Variants in CSMD1 observed in about 807,000 individuals in gnomAD.
CSMD1 encodes CUB and Sushi multiple domains 1.
CSMD1 carries 213 observed loss-of-function variants against 417.5 expected under a neutral mutation model. The ratio of observed to expected loss-of-function variants is 0.51; its 90% CI spans 0.46 to 0.57. The LOEUF (loss-of-function observed/expected upper bound fraction) is 0.57. CSMD1 is among the 20% of genes least tolerant of loss of function. The probability of loss-of-function intolerance (pLI) is 0.00; values close to 1 mark genes in which losing one functional copy is unlikely to be tolerated. For missense variants in CSMD1, 6,923 were observed against 4,529.7 expected (o/e 1.53, Z -15.17); for synonymous variants, 2,862 against 1,736.8 (o/e 1.65, Z -16.11).
At chr8:4,344,903 C>G (rs1007937283) in intron 3 of CSMD1, among the ~76,000 whole-genome samples, 1 of 152,062 alleles carries the variant, frequency 6.6e-6, no homozygotes, top group African/African-American at 2.4e-5. Flanking sequence ...TGGACAAGAA[C>G]AGGCACTATG....
chr8:4,815,995 G>C (rs939941938), intron 1 of CSMD1, among the ~76,000 whole-genome samples: 17 of 152,076 alleles, frequency 1.1e-4, no homozygotes, highest in Non-Finnish European at 1.6e-4. Flanking sequence ...GAAATGAAAA[G>C]TACAAAAATG....
intron 56 of CSMD1, 96 bp from the exon 57 acceptor site, chr8:2,973,395 T>C: frequency 7.8e-7 from 1 of 1,285,412 alleles, no homozygotes; most frequent in Non-Finnish European, 1.1e-6. Context: ...TTGTTGAAAT[T>C]TGTGTTTCAC....
At chr8:3,525,568 G>A (rs999674678) in intron 10 of CSMD1, among the ~76,000 whole-genome samples, 9 of 152,134 alleles carry the variant, frequency 5.9e-5, no homozygotes, top group African/African-American at 2.2e-4. Flanking sequence ...TGACAGTTCA[G>A]GGAACAAGCA....
rs753890690 is a variant in CSMD1, at chr8:3,991,206, G to C, written c.818+6697C>G. 2.7e-4 allele frequency among the ~76,000 whole-genome samples: 41 copies of C among 152,304 alleles called. No individual in the cohort carries two copies. The South Asian group carries it at 5.4e-3, about 20-fold the overall frequency. On this transcript the variant is annotated intron_variant, in intron 5 of 69. Coordinates refer to ENST00000635120, the MANE Select transcript of CSMD1 (RefSeq NM_033225.6). ...GTGAAAACAAAAATATCCAGGATAA[G>C]GCATGTGAAAGAAAGCCACCAATCA...
At chr8:4,850,643 T>A (rs1312879996) in intron 1 of CSMD1, among the ~76,000 whole-genome samples, 2 of 152,110 alleles carry the variant, frequency 1.3e-5, no homozygotes, top group African/African-American at 4.8e-5. Context: ...GACTCTTCCA[T>A]CAGAACAAAG....
At chr8:4,523,035 G>T (rs1803557764) in intron 2 of CSMD1, among the ~76,000 whole-genome samples, 1 of 152,118 alleles carries the variant, frequency 6.6e-6, no homozygotes, top group Non-Finnish European at 1.5e-5. Flanking sequence ...AAATGAGCAG[G>T]TTTTCATAAG....
chr8:4,486,764 A>T (rs752456576), intron 2 of CSMD1, among the ~76,000 whole-genome samples: 3 of 152,194 alleles, frequency 2.0e-5, no homozygotes, highest in Non-Finnish European at 2.9e-5. Flanking sequence ...TGATACGAAG[A>T]ACCTGAGTGA....
chr8:4,444,869 C>A (rs1798690144), intron 2 of CSMD1, among the ~76,000 whole-genome samples: 1 of 152,178 alleles, frequency 6.6e-6, no homozygotes, highest in Non-Finnish European at 1.5e-5. Flanking sequence ...CCTGCTGCAG[C>A]CAAGGTAATT....
intron 3 of CSMD1, among the ~76,000 whole-genome samples, chr8:4,380,088 T>G (rs1356219895): frequency 1.3e-5 from 2 of 152,174 alleles, no homozygotes; most frequent in African/African-American, 4.8e-5. Flanking sequence ...GGATAAAAAG[T>G]AAATGGGAGA....
chr8:4,432,266 G>A (rs797003059), intron 2 of CSMD1, among the ~76,000 whole-genome samples: 3 of 152,258 alleles, frequency 2.0e-5, no homozygotes, highest in African/African-American at 7.2e-5. Context: ...GAACTTAACT[G>A]TTTTCCAGGT....
intron 5 of CSMD1, among the ~76,000 whole-genome samples, chr8:3,873,550 T>C (rs1253412006): frequency 6.6e-6 from 1 of 152,042 alleles, no homozygotes; most frequent in African/African-American, 2.4e-5. Context: ...TGAGACCTAC[T>C]GCAGGGTGGA....
intron 3 of CSMD1, among the ~76,000 whole-genome samples, chr8:4,305,777 C>G (rs1195715878): frequency 6.6e-6 from 1 of 152,128 alleles, no homozygotes; most frequent in African/African-American, 2.4e-5. Flanking sequence ...TTAAATTTCA[C>G]TTCACAAAAG....
intron 1 of CSMD1, among the ~76,000 whole-genome samples, chr8:4,962,615 C>A (rs977629029): frequency 6.6e-6 from 1 of 152,056 alleles, no homozygotes; most frequent in Non-Finnish European, 1.5e-5. Flanking sequence ...CCCCAGATGC[C>A]AGTATTTCTA....
At chr8:3,752,235 G>A (rs958408533) in intron 6 of CSMD1, among the ~76,000 whole-genome samples, 2 of 150,280 alleles carry the variant, frequency 1.3e-5, no homozygotes, top group African/African-American at 2.4e-5. Context: ...TGAAGGGAAA[G>A]CACATTAATT....
At chr8:3,264,260 A>G (rs948306391) in intron 26 of CSMD1, among the ~76,000 whole-genome samples, 5 of 152,210 alleles carry the variant, frequency 3.3e-5, no homozygotes, top group African/African-American at 9.6e-5. Flanking sequence ...TTTATTAACA[A>G]TAAGTACCTG....
intron 2 of CSMD1, among the ~76,000 whole-genome samples, chr8:4,452,191 C>G (rs77500513): frequency 0.14 from 20,553 of 152,054 alleles, 1,477 homozygotes; most frequent in South Asian, 0.21. Flanking sequence ...GCTTAGTGCA[C>G]GTTTCTGCTT....
chr8:4,615,127 G>A (rs1436902318), intron 2 of CSMD1, among the ~76,000 whole-genome samples: 2 of 152,060 alleles, frequency 1.3e-5, no homozygotes, highest in African/African-American at 2.4e-5. Flanking sequence ...CAAAATAAGT[G>A]GGGCACAAGA....
chr8:4,203,536 G>C (rs3914776), intron 3 of CSMD1, among the ~76,000 whole-genome samples: 3 of 152,064 alleles, frequency 2.0e-5, no homozygotes, highest in African/African-American at 4.8e-5. Context: ...AGTACCTTCT[G>C]TTATTAAACA....
At chr8:3,665,512 G>T (rs1003584151) in intron 7 of CSMD1, among the ~76,000 whole-genome samples, 1 of 152,156 alleles carries the variant, frequency 6.6e-6, no homozygotes, top group Non-Finnish European at 1.5e-5. Flanking sequence ...CTGGGCGACA[G>T]AGCGAGACTC....
Sources: gnomAD v4.1 joint callset for allele counts (sites outside exome capture counted in the v4.1 genomes callset) on GRCh38, gnomAD v4.1.1 for gene constraint, MANE v1.5 for transcripts, NCBI Gene and HGNC (gene_info 2026-07-23, HGNC 2026-07-21) for gene names.